The following CPED1 variants were observed in gnomAD, a reference collection of about 807,000 sequenced individuals.
CPED1 encodes cadherin-like and PC-esterase domain-containing protein 1.
Under a neutral mutation model 128.2 loss-of-function variants are expected in CPED1, and 114 were observed. The observed-to-expected ratio is 0.89, with a 90% CI of 0.76 to 1.04. CPED1 has a LOEUF of 1.04. Ranked by LOEUF, CPED1 falls within the 50% of genes least tolerant of loss-of-function variation. The pLI is 0.00. For synonymous variants in CPED1, 462 were observed against 426.7 expected, an observed-to-expected ratio of 1.08 and a Z score of -1.02; for missense variants, 1,211 against 1,207.1, an observed-to-expected ratio of 1.00 and a Z score of -0.05.
At chr7:121,128,234 T>C in intron 10 of CPED1, 148 bp from the exon 11 acceptor site, 1 of 568,792 alleles carries the variant, frequency 1.8e-6, no homozygotes, top group Non-Finnish European at 3.2e-6. Context: ...CTGTGACAAG[T>C]TGAAGTTGCT....
chr7:121,014,641 G>A (rs562074691), intron 2 of CPED1, among the ~76,000 whole-genome samples: 1 of 152,008 alleles, frequency 6.6e-6, no homozygotes, highest in Non-Finnish European at 1.5e-5. Flanking sequence ...ACATTTAAGT[G>A]CTGAAAATCA....
intron 18 of CPED1, among the ~76,000 whole-genome samples, chr7:121,257,280 G>T (rs1791907612): frequency 6.6e-6 from 1 of 152,030 alleles, no homozygotes; most frequent in Non-Finnish European, 1.5e-5. Flanking sequence ...ACCCTTCAAA[G>T]CATGTGGCCC....
chr7:121,106,696 G>GTATA (rs1794982139), intron 7 of CPED1, among the ~76,000 whole-genome samples: 1 of 152,066 alleles, frequency 6.6e-6, no homozygotes, highest in African/African-American at 2.4e-5. Flanking sequence ...TCAAGGGAAG[G>GTATA]TATATGCTGG....
At chr7:121,005,952 C>G (rs996408430) in intron 2 of CPED1, among the ~76,000 whole-genome samples, 1 of 152,128 alleles carries the variant, frequency 6.6e-6, no homozygotes, top group Non-Finnish European at 1.5e-5. Flanking sequence ...GTCAGCTGAT[C>G]ATGAGTGGGG....
chr7:121,174,145 C>A (rs1234817909), intron 16 of CPED1, among the ~76,000 whole-genome samples: 4 of 151,968 alleles, frequency 2.6e-5, no homozygotes, highest in African/African-American at 9.7e-5. Context: ...GCATGGTTTG[C>A]AAATATTTTC....
At chr7:121,048,193 C>T (rs1464289143) in intron 4 of CPED1, among the ~76,000 whole-genome samples, 1 of 152,188 alleles carries the variant, frequency 6.6e-6, no homozygotes, top group Non-Finnish European at 1.5e-5. Flanking sequence ...GTACAGAGCA[C>T]GTTTCCAGGC....
chr7:121,076,699 A>G (rs534994623), intron 5 of CPED1: 6 of 152,170 alleles, frequency 3.9e-5, no homozygotes, highest in Admixed American at 1.3e-4. Flanking sequence ...TACTTCTTAT[A>G]GATTAGCTCT....
At chr7:121,246,355 A>C (rs1371215133) in intron 18 of CPED1, among the ~76,000 whole-genome samples, 1 of 152,166 alleles carries the variant, frequency 6.6e-6, no homozygotes, top group African/African-American at 2.4e-5. Context: ...GAGCTGCTAT[A>C]ATAACATACA....
chr7:121,241,484 T>C (rs1798394995), intron 17 of CPED1, among the ~76,000 whole-genome samples: 1 of 152,052 alleles, frequency 6.6e-6, no homozygotes, highest in African/African-American at 2.4e-5. Context: ...AAATTTTCTG[T>C]TGTTTCTTTT....
chr7:120,998,199 G>T (rs1377985485), intron 2 of CPED1, among the ~76,000 whole-genome samples: 1 of 152,172 alleles, frequency 6.6e-6, no homozygotes, highest in East Asian at 1.9e-4. Context: ...AGAATTACGA[G>T]ATTTAGTAAG....
chr7:121,067,691 T>C (rs1044010737), intron 5 of CPED1, among the ~76,000 whole-genome samples: 2 of 152,214 alleles, frequency 1.3e-5, no homozygotes, highest in African/African-American at 4.8e-5. Context: ...ATCGCCACGC[T>C]GACTTCCACA....
At chr7:121,226,890 G>A (rs952577414) in intron 16 of CPED1, among the ~76,000 whole-genome samples, 1 of 152,070 alleles carries the variant, frequency 6.6e-6, no homozygotes, top group African/African-American at 2.4e-5. Flanking sequence ...TTTTATGGCT[G>A]ATTGACTACA....
intron 5 of CPED1, among the ~76,000 whole-genome samples, chr7:121,081,121 C>T (rs958231726): frequency 6.6e-6 from 1 of 152,120 alleles, no homozygotes; most frequent in Non-Finnish European, 1.5e-5. Context: ...TTCATTTTAA[C>T]CATAATTAAT....
chr7:121,136,703 G>A (rs13235373), intron 14 of CPED1, among the ~76,000 whole-genome samples: 15,731 of 152,054 alleles, frequency 0.1, 866 homozygotes, highest in South Asian at 0.17. Flanking sequence ...AAATGCCTGA[G>A]CTGTATCACA....
intron 16 of CPED1, among the ~76,000 whole-genome samples, chr7:121,194,578 C>T (rs772625589): frequency 1.3e-5 from 2 of 152,006 alleles, no homozygotes; most frequent in African/African-American, 4.8e-5. Context: ...TTAAATCTGT[C>T]AAGCTTTAAA....
chr7:121,121,177 T>C (rs769375616), intron 7 of CPED1, among the ~76,000 whole-genome samples: 1 of 152,080 alleles, frequency 6.6e-6, no homozygotes, highest in Non-Finnish European at 1.5e-5. Context: ...TGGAATGAAG[T>C]AGATAACAAG....
chr7:121,093,134 A>G (rs1393260968), intron 5 of CPED1, among the ~76,000 whole-genome samples: 8 of 151,944 alleles, frequency 5.3e-5, no homozygotes, highest in Non-Finnish European at 1.2e-4. Flanking sequence ...CCTTTTTGCC[A>G]TTTCTACCTA....
intron 12 of CPED1, among the ~76,000 whole-genome samples, chr7:121,131,626 G>A (rs546176055): frequency 6.6e-6 from 1 of 151,570 alleles, no homozygotes; most frequent in South Asian, 2.1e-4. Flanking sequence ...CTTAAATTTA[G>A]AAGATTGAAT....
At chr7:121,147,723 C>A (rs894991208) in intron 16 of CPED1, among the ~76,000 whole-genome samples, 2 of 152,174 alleles carry the variant, frequency 1.3e-5, no homozygotes, top group Non-Finnish European at 2.9e-5. Context: ...ATAGGAGAAG[C>A]TTGGAGACTA....
Sources: allele counts gnomAD v4.1 joint callset (sites outside exome capture counted in the v4.1 genomes callset), GRCh38; gene constraint gnomAD v4.1.1; transcripts MANE v1.5; gene names NCBI Gene and HGNC (gene_info 2026-07-23, HGNC 2026-07-21).